Variants in TENM4 observed in about 807,000 individuals in gnomAD.
TENM4 encodes teneurin transmembrane protein 4.
In TENM4, 82 loss-of-function variants were observed where a neutral mutation model predicts 243.3. That is an observed-to-expected ratio of 0.34 (90% CI 0.28 to 0.40). TENM4 has a LOEUF of 0.40. TENM4 is among the 10% of genes least tolerant of loss of function. The probability of loss-of-function intolerance (pLI) is 1.00; values close to 1 mark genes in which losing one functional copy is unlikely to be tolerated. For synonymous variants in TENM4, 1,412 were observed against 1,456.3 expected (o/e 0.97, Z 0.69); for missense variants, 3,138 against 3,673.3 (o/e 0.85, Z 3.77).
intron 3 of TENM4, among the ~76,000 whole-genome samples, chr11:79,188,853 G>C (rs2135157018): frequency 6.6e-6 from 1 of 152,278 alleles, no homozygotes; most frequent in African/African-American, 2.4e-5. Flanking sequence ...TCAGTACTGG[G>C]GGACCAGATG....
chr11:78,768,869 G>A (rs1856593221), intron 18 of TENM4, among the ~76,000 whole-genome samples: 1 of 152,164 alleles, frequency 6.6e-6, no homozygotes, highest in African/African-American at 2.4e-5. Flanking sequence ...TGTTACCACT[G>A]GTGCATTCTA....
intron 9 of TENM4, among the ~76,000 whole-genome samples, chr11:78,883,376 G>A (rs1855479876): frequency 6.6e-6 from 1 of 152,200 alleles, no homozygotes; most frequent in Admixed American, 6.5e-5. Context: ...GCTGGAGAGT[G>A]GCAGTGCTGA....
chr11:79,440,965 GAA>G lies in TENM4; in HGVS notation c.-779_-778del, dbSNP rs1859395145. On this transcript the variant is annotated 5_prime_UTR_variant, in exon 1 of 34. Transcript: ENST00000278550. This position sits in a 1 kb window ranked among gnomAD's most constrained non-coding sequence, Gnocchi z 4.7. ...CCCCACCCTCGCTCTCTTACACACA[GAA>G]AGAGAGGGCGAGCGAGAGAGAGACA... 1 of 152,502 alleles carries G rather than the reference GAA, an allele frequency of 6.6e-6. No homozygotes were observed. Among genetic ancestry groups the G allele is most frequent in the Non-Finnish European group, 1.5e-5 (1 of 68,500 alleles). 9.4% of individuals were successfully genotyped at this position (152,502 alleles called of 1,614,324 possible).
chr11:79,173,972 G>A (rs1265824449), intron 3 of TENM4, among the ~76,000 whole-genome samples: 2 of 152,210 alleles, frequency 1.3e-5, no homozygotes, highest in African/African-American at 2.4e-5. Flanking sequence ...TATGAAAACA[G>A]ATGGCCTTTT....
intron 15 of TENM4, among the ~76,000 whole-genome samples, chr11:78,794,522 C>A (rs993406684): frequency 9.9e-5 from 15 of 152,246 alleles, no homozygotes; most frequent in Admixed American, 5.2e-4. Context: ...AGTACAAGAA[C>A]TGCAGCTGGG....
intron 2 of TENM4, among the ~76,000 whole-genome samples, chr11:79,277,441 A>G (rs1010193297): frequency 2.0e-5 from 3 of 152,202 alleles, no homozygotes; most frequent in African/African-American, 7.2e-5. Context: ...TTGAGGCTCA[A>G]AGAAGTGAAA....
chr11:78,727,730 T>G (rs192023657), intron 22 of TENM4, among the ~76,000 whole-genome samples: 38 of 152,322 alleles, frequency 2.5e-4, no homozygotes, highest in African/African-American at 9.1e-4. Context: ...ACAGCCTCCC[T>G]GCCCCTGGGT....
chr11:78,862,903 CTCT>C (rs1363810353), intron 10 of TENM4, 56 bp downstream of exon 10: 2 of 1,325,452 alleles, frequency 1.5e-6, no homozygotes, highest in Admixed American at 6.4e-5. Flanking sequence ...TTATGGAGGG[CTCT>C]TCAGCTCAGA....
chr11:79,359,303 A>G (rs1022218503), intron 1 of TENM4, among the ~76,000 whole-genome samples: 1 of 152,024 alleles, frequency 6.6e-6, no homozygotes, highest in African/African-American at 2.4e-5. Flanking sequence ...TGGTTGTAAA[A>G]CTCTACAGGA....
chr11:79,222,876 T>C (rs1864190701), intron 2 of TENM4, among the ~76,000 whole-genome samples: 1 of 152,200 alleles, frequency 6.6e-6, no homozygotes, highest in African/African-American at 2.4e-5. Flanking sequence ...TTTGTTGAAG[T>C]TCCTTGTAGG....
At chr11:79,127,440 G>A (rs1468795911) in intron 4 of TENM4, among the ~76,000 whole-genome samples, 2 of 136,258 alleles carry the variant, frequency 1.5e-5, no homozygotes, top group Non-Finnish European at 3.5e-5. Flanking sequence ...TGCACCAGAT[G>A]TGGTTTTGTT....
chr11:78,706,123 A>G (rs146311921), intron 27 of TENM4, among the ~76,000 whole-genome samples: 1 of 152,262 alleles, frequency 6.6e-6, no homozygotes, highest in East Asian at 1.9e-4. Flanking sequence ...GATCAGCTCT[A>G]CCCTATGAGA....
At chr11:78,929,117 A>G (rs1425942979) in intron 6 of TENM4, among the ~76,000 whole-genome samples, 2 of 152,178 alleles carry the variant, frequency 1.3e-5, no homozygotes, top group African/African-American at 2.4e-5. Flanking sequence ...CACCCTCAGA[A>G]TGCTCATTAT....
chr11:78,704,157 G>GTGTGTATATATATA (rs1201390547), intron 27 of TENM4, among the ~76,000 whole-genome samples: 1 of 70,534 alleles, frequency 1.4e-5, no homozygotes, highest in African/African-American at 6.0e-5. Context: ...ATGTATGTGT[G>GTGTGTATATATATA]TCTATATATA....
chr11:78,861,170 A>G (rs1858809416), intron 10 of TENM4, among the ~76,000 whole-genome samples: 2 of 152,256 alleles, frequency 1.3e-5, no homozygotes, highest in Admixed American at 1.3e-4. Flanking sequence ...AGAAGCTGAC[A>G]TGGGCACCAC....
chr11:79,361,648 C>T (rs547551559), intron 1 of TENM4, among the ~76,000 whole-genome samples: 1 of 152,182 alleles, frequency 6.6e-6, no homozygotes, highest in Non-Finnish European at 1.5e-5. Context: ...TGCAGAGACC[C>T]TGAATGGCAC....
chr11:79,086,046 G>A (rs996438940), intron 4 of TENM4, among the ~76,000 whole-genome samples: 4 of 152,216 alleles, frequency 2.6e-5, no homozygotes, highest in Non-Finnish European at 4.4e-5. Context: ...ATGGTAGACT[G>A]CCATACTAAT....
chr11:78,869,061 C>T (rs910729712), intron 9 of TENM4, among the ~76,000 whole-genome samples: 1 of 152,002 alleles, frequency 6.6e-6, no homozygotes, highest in African/African-American at 2.4e-5. Flanking sequence ...CCTGGTTTTG[C>T]TACAAAGCCA....
At chr11:78,847,828 G>C (rs1242773119) in intron 12 of TENM4, among the ~76,000 whole-genome samples, 1 of 152,148 alleles carries the variant, frequency 6.6e-6, no homozygotes, top group Non-Finnish European at 1.5e-5. Flanking sequence ...ATTTTTCTTA[G>C]TGTCTTCAAT....
Sources: allele counts gnomAD v4.1 joint callset (sites outside exome capture counted in the v4.1 genomes callset), GRCh38; gene constraint gnomAD v4.1.1; non-coding constraint Gnocchi (gnomAD v3.1); transcripts MANE v1.5; gene names NCBI Gene and HGNC (gene_info 2026-07-23, HGNC 2026-07-21).